The following CRIM1 variants were observed in gnomAD, a reference collection of about 807,000 sequenced individuals.
CRIM1 encodes the protein cysteine-rich motor neuron 1 protein.
Under a neutral mutation model 116.4 loss-of-function variants are expected in CRIM1, and 32 were observed. That is an observed-to-expected ratio of 0.27 (90% CI 0.21 to 0.37). The LOEUF is 0.37. CRIM1 is among the 10% of genes least tolerant of loss of function. The probability of loss-of-function intolerance (pLI) is 1.00; values close to 1 mark genes in which losing one functional copy is unlikely to be tolerated. For synonymous variants in CRIM1, 590 were observed against 509.2 expected (o/e 1.16, Z -2.13); for missense variants, 1,331 against 1,354.8 (o/e 0.98, Z 0.28).
chr2:36,512,336 G>C lies in CRIM1; in HGVS notation c.1722G>C (p.Lys574Asn), dbSNP rs769198011. The change falls in exon 10 of 17, where the codon AAG becomes AAC. Residue 574 changes from lysine to asparagine, a missense_variant. By Grantham distance (94) the Lys-to-Asn change is moderately conservative. Around this residue, in one of 3 missense-constraint regions of CRIM1, gnomAD observed 358 missense variants for 436.1 expected, o/e 0.82. Transcript: ENST00000280527. ...AATGTCCAGAGCTCTCATGCAGTAA[G>C]ATCTGCCCCTTGGGTTTCCAGCAGG... ...CKKCPELSCSKICPLGFQQDS... is the reference protein window; with the variant it reads ...CKKCPELSCSNICPLGFQQDS... 2 of 1,614,058 alleles carry C rather than the reference G, an allele frequency of 1.2e-6. No individual in the cohort carries two copies. Among genetic ancestry groups the C allele is most frequent in the South Asian group, 2.2e-5 (2 of 91,066 alleles).
chr2:36,506,713 A>T (rs1681457738), intron 8 of CRIM1, among the ~76,000 whole-genome samples: 1 of 152,126 alleles, frequency 6.6e-6, no homozygotes, highest in South Asian at 2.1e-4. Flanking sequence ...ATCACGGTAA[A>T]GTCATGACGC....
rs1396505500 is a variant in CRIM1, at chr2:36,544,443, G to A, written c.2691G>A (p.Leu897=). The part of the protein sequence containing the change: ...EKTNHRGEVD[L]EVPLWPTPSE... ...CAAACCATCGAGGAGAGGTTGACCT[G>A]GAGGTTCCCCTGTGGCCCACGCCTA... Residue 897 remains leucine (L), a synonymous_variant, in exon 15 of 17, where the codon CTG becomes CTA. Coordinates refer to ENST00000280527, the MANE Select transcript of CRIM1 (RefSeq NM_016441.3). 1.4e-6 allele frequency: 2 copies of A among 1,426,934 alleles called. No homozygotes were observed. Among genetic ancestry groups the A allele is most frequent in the Non-Finnish European group, 1.8e-6 (2 of 1,083,574 alleles). The allele number at this position is 1,426,934 out of a possible 1,614,324, so 88.4% of individuals were successfully genotyped here. A position where few individuals can be genotyped will look rare whatever the true frequency, so the allele number is the denominator to read the frequency against.
chr2:36,372,094 G>T (rs1465554242), intron 1 of CRIM1, among the ~76,000 whole-genome samples: 1 of 152,188 alleles, frequency 6.6e-6, no homozygotes, highest in Non-Finnish European at 1.5e-5. Context: ...ACTGCTTCAG[G>T]TGATCTCCAG....
intron 3 of CRIM1, 147 bp downstream of exon 3, chr2:36,441,647 G>A (rs1675835467): frequency 9.8e-7 from 1 of 1,015,746 alleles, no homozygotes; most frequent in African/African-American, 1.6e-5. Context: ...GCTAATGGCA[G>A]CTTGACTTCT....
chr2:36,513,573 G>A lies in CRIM1; in HGVS notation c.1798G>A (p.Gly600Arg), dbSNP rs1284444674. ...CTGTCCAGAGGCCTCTGCTTCAGCT[G>A]GGCCACCCATCCTGTCGGGCACTTG... ...CKCREASASA[G>R]PPILSGTCLT... The change falls in exon 11 of 17, where the codon GGG becomes AGG. Residue 600 changes from glycine (G) to arginine (R), a missense_variant. By Grantham distance (125) the Gly-to-Arg change is moderately radical. Around this residue, in one of 3 missense-constraint regions of CRIM1, gnomAD observed 358 missense variants for 436.1 expected, o/e 0.82. Transcript: ENST00000280527. 2 of 1,614,100 alleles carry A rather than the reference G, an allele frequency of 1.2e-6. No individual in the cohort carries two copies. Among genetic ancestry groups the A allele is most frequent in the Admixed American group, 1.7e-5 (1 of 60,024 alleles).
intron 2 of CRIM1, among the ~76,000 whole-genome samples, chr2:36,406,232 C>T (rs1207269128): frequency 1.3e-5 from 2 of 152,100 alleles, no homozygotes; most frequent in Admixed American, 6.5e-5. Flanking sequence ...ATAAGACAGT[C>T]GTTACAAATT....
intron 2 of CRIM1, among the ~76,000 whole-genome samples, chr2:36,412,728 A>G (rs1303008903): frequency 6.6e-6 from 1 of 152,152 alleles, no homozygotes; most frequent in Non-Finnish European, 1.5e-5. Flanking sequence ...TCTTAAATTT[A>G]TATATCTTTG....
chr2:36,371,442 C>G (rs1020317688), intron 1 of CRIM1, among the ~76,000 whole-genome samples: 1 of 152,162 alleles, frequency 6.6e-6, no homozygotes, highest in Non-Finnish European at 1.5e-5. Flanking sequence ...TTGACTAAAT[C>G]TAGACTCAAG....
chr2:36,366,053 CTT>C (rs1669583075), intron 1 of CRIM1, among the ~76,000 whole-genome samples: 1 of 152,208 alleles, frequency 6.6e-6, no homozygotes, highest in South Asian at 2.1e-4. Flanking sequence ...AACTGTGACT[CTT>C]TCCTTTGTAC....
chr2:36,429,612 T>G (rs1439596601), intron 2 of CRIM1, among the ~76,000 whole-genome samples: 1 of 152,050 alleles, frequency 6.6e-6, no homozygotes, highest in Non-Finnish European at 1.5e-5. Context: ...AAGCAGCTGT[T>G]TTTAGGGGGA....
At chr2:36,534,304 G>A (rs575886891) in intron 13 of CRIM1, among the ~76,000 whole-genome samples, 1 of 132,834 alleles carries the variant, frequency 7.5e-6, no homozygotes, top group African/African-American at 2.8e-5. Context: ...AGAAAGGAAG[G>A]AGGGAGGGGG....
chr2:36,441,282 C>A lies in CRIM1; in HGVS notation c.530C>A (p.Ala177Asp). 2 of 1,614,188 alleles carry A rather than the reference C, an allele frequency of 1.2e-6. No individual in the cohort carries two copies. Among genetic ancestry groups the A allele is most frequent in the Non-Finnish European group, 1.7e-6 (2 of 1,180,034 alleles). Residue 177 changes from alanine (A) to aspartate (D), a missense_variant, in exon 3 of 17, where the codon GCC (alanine) becomes GAC (aspartate). By Grantham distance (126) the Ala-to-Asp change is moderately radical. This residue lies in a region of CRIM1 where 690 missense variants were observed against 676.0 expected (regional missense o/e 1.02). Coordinates refer to ENST00000280527, the MANE Select transcript of CRIM1 (RefSeq NM_016441.3). ...GAAGAGAAGCCAGATTGCTCCAAGG[C>A]CCGCTGTGAAGTCCAGTTCTCTCCA... ...IEEEKPDCSK[A>D]RCEVQFSPRC...
intron 1 of CRIM1, among the ~76,000 whole-genome samples, chr2:36,368,372 A>C (rs1669732223): frequency 6.6e-6 from 1 of 152,194 alleles, no homozygotes; most frequent in Admixed American, 6.5e-5. Flanking sequence ...AATATGTTTC[A>C]AGTACAAGCC....
At chr2:36,427,200 C>CAA (rs542726534) in intron 2 of CRIM1, among the ~76,000 whole-genome samples, 5 of 107,028 alleles carry the variant, frequency 4.7e-5, no homozygotes, top group Admixed American at 3.8e-4. Flanking sequence ...AACTCTGTCT[C>CAA]AAAAAAAAAA....
At position 36,396,566 on chromosome 2, in the gene CRIM1, T is replaced by C. The variant is rs377222525; in HGVS notation, c.332-48T>C. The C allele has an allele frequency of 1.2e-5, 16 of 1,363,248 alleles. No homozygotes were observed. The African/African-American group carries it at 1.9e-4, about 16-fold the overall frequency. 84.4% of individuals were successfully genotyped at this position (1,363,248 alleles called of 1,614,324 possible). A position where few individuals can be genotyped will look rare whatever the true frequency, so the allele number is the denominator to read the frequency against. On this transcript the variant is annotated intron_variant, in intron 1 of 16. Coordinates refer to ENST00000280527, the MANE Select transcript of CRIM1 (RefSeq NM_016441.3). ...GCGTTTTTGCCCGCGAACAGGCCTT[T>C]GAATGAAGCTGCAAACACACATTAT... is the stretch of plus-strand genomic sequence containing the variant.
At chr2:36,469,931 G>GCA (rs1030500302) in intron 5 of CRIM1, among the ~76,000 whole-genome samples, 10 of 151,830 alleles carry the variant, frequency 6.6e-5, no homozygotes, top group Admixed American at 1.3e-4. Context: ...GTGTCCTCCA[G>GCA]CACACACACA....
At chr2:36,432,498 A>G (rs146092716) in intron 2 of CRIM1, among the ~76,000 whole-genome samples, 8 of 152,268 alleles carry the variant, frequency 5.3e-5, no homozygotes, top group African/African-American at 1.9e-4. Flanking sequence ...CTGTTTTAAA[A>G]TTCAGTAGGA....
At chr2:36,508,999 T>C (rs796782768) in intron 8 of CRIM1, among the ~76,000 whole-genome samples, 4 of 152,314 alleles carry the variant, frequency 2.6e-5, no homozygotes, top group African/African-American at 9.6e-5. Flanking sequence ...GCCTGTGAAC[T>C]AAAAAGCCTA....
chr2:36,428,955 C>G (rs1343772092), intron 2 of CRIM1, among the ~76,000 whole-genome samples: 2 of 152,162 alleles, frequency 1.3e-5, no homozygotes, highest in Admixed American at 6.5e-5. Flanking sequence ...GAGTCCTGGT[C>G]CATGAAGTGA....
Sources: allele counts gnomAD v4.1 joint callset (sites outside exome capture counted in the v4.1 genomes callset), GRCh38; gene constraint gnomAD v4.1.1; regional missense constraint gnomAD v4.1.1; transcripts MANE v1.5; gene names NCBI Gene and HGNC (gene_info 2026-07-23, HGNC 2026-07-21).